Variants in HADHB observed in about 807,000 individuals in gnomAD.
HADHB encodes the protein hydroxyacyl-CoA dehydrogenase trifunctional multienzyme complex subunit beta, also known as trifunctional enzyme subunit beta, mitochondrial.
HADHB carries 50 observed loss-of-function variants against 61.9 expected under a neutral mutation model. The observed-to-expected ratio is 0.81, with a 90% CI of 0.64 to 1.02. HADHB has a LOEUF of 1.02. Ranked by LOEUF, HADHB falls within the 50% of genes least tolerant of loss-of-function variation. The pLI is 0.00. For synonymous variants in HADHB, 191 were observed against 201.6 expected (o/e 0.95, Z 0.45); for missense variants, 504 against 586.5 (o/e 0.86, Z 1.45).
intron 5 of HADHB, among the ~76,000 whole-genome samples, chr2:26,273,278 C>G (rs1295699791): frequency 1.3e-5 from 2 of 151,330 alleles, no homozygotes; most frequent in East Asian, 3.9e-4. Context: ...TTTTAATAGT[C>G]TTAAGGGAGA....
intron 1 of HADHB, among the ~76,000 whole-genome samples, chr2:26,246,538 A>G (rs1344696258): frequency 6.6e-6 from 1 of 151,856 alleles, no homozygotes; most frequent in Non-Finnish European, 1.5e-5. Flanking sequence ...ACGGGGTTTC[A>G]CCATGTTAGC....
intron 1 of HADHB, among the ~76,000 whole-genome samples, chr2:26,246,624 A>G (rs987954581): frequency 5.3e-5 from 8 of 152,066 alleles, no homozygotes; most frequent in Middle Eastern, 3.2e-3. Context: ...TACAAGTGTG[A>G]GCCACCACGC....
At chr2:26,247,061 C>T (rs1671196530) in intron 1 of HADHB, among the ~76,000 whole-genome samples, 1 of 152,186 alleles carries the variant, frequency 6.6e-6, no homozygotes, top group Non-Finnish European at 1.5e-5. Flanking sequence ...GTTCTCTTAA[C>T]CATTACGTTG....
intron 1 of HADHB, among the ~76,000 whole-genome samples, chr2:26,247,702 T>C (rs762416739): frequency 8.1e-4 from 123 of 152,198 alleles, no homozygotes; most frequent in Non-Finnish European, 1.5e-3. Flanking sequence ...CCCTAAACGA[T>C]ACAGCATAAC....
intron 4 of HADHB, among the ~76,000 whole-genome samples, chr2:26,267,682 G>C (rs1408413095): frequency 6.7e-6 from 1 of 148,664 alleles, no homozygotes; most frequent in Non-Finnish European, 1.5e-5. Context: ...TGAGGCAGGA[G>C]AATCGATTGA....
intron 3 of HADHB, 111 bp downstream of exon 3, chr2:26,254,585 T>A (rs1466159019): frequency 1.3e-6 from 1 of 744,446 alleles, no homozygotes; most frequent in African/African-American, 1.8e-5. Flanking sequence ...CTCCCCTTTT[T>A]ATGAGCACAT....
At chr2:26,269,149 TAAA>T (rs35675939) in intron 4 of HADHB, among the ~76,000 whole-genome samples, 1 of 132,070 alleles carries the variant, frequency 7.6e-6, no homozygotes, top group Non-Finnish European at 1.6e-5. Flanking sequence ...ACCTCCGTCT[TAAA>T]AAAAAAAAAA....
At chr2:26,265,635 A>T (rs961568722) in intron 4 of HADHB, among the ~76,000 whole-genome samples, 1 of 148,470 alleles carries the variant, frequency 6.7e-6, no homozygotes, top group African/African-American at 2.4e-5. Context: ...ACACCCAAAC[A>T]TACTCAACTG....
intron 3 of HADHB, among the ~76,000 whole-genome samples, chr2:26,259,333 C>T (rs1671767372): frequency 1.3e-5 from 2 of 152,326 alleles, no homozygotes; most frequent in African/African-American, 4.8e-5. Context: ...GAAGCTGGAG[C>T]TCCTTGCTTT....
At chr2:26,262,063 A>T (rs1359479243) in intron 3 of HADHB, among the ~76,000 whole-genome samples, 1 of 152,104 alleles carries the variant, frequency 6.6e-6, no homozygotes, top group East Asian at 1.9e-4. Context: ...GCACTTCTCC[A>T]TGAATGCTGC....
At chr2:26,284,040 A>T in intron 12 of HADHB, 77 bp from the exon 13 acceptor site, 1 of 802,254 alleles carries the variant, frequency 1.2e-6, no homozygotes, top group Non-Finnish European at 2.2e-6. Context: ...CCTATGTAAA[A>T]CTCAGTTTGG....
Position 26,284,948 on chromosome 2 carries a change from A to C in HADHB, c.1215A>C (p.Arg405Ser). ...GGTTTGCAGAAAACTACATGGGTAG[A>C]AAAACCAAGGTGAGTTTCTAATTTT... ...SDWFAENYMGRKTKVGLPPLE... is the reference protein window; with the variant it reads ...SDWFAENYMGSKTKVGLPPLE... Residue 405 changes from arginine (R) to serine (S), a missense_variant, in exon 14 of 16, where the codon AGA (arginine) becomes AGC (serine). Physicochemically the swap from Arg to Ser is moderately radical, Grantham distance 110. Coordinates refer to ENST00000317799, the MANE Select transcript of HADHB (RefSeq NM_000183.3). The C allele has an allele frequency of 6.4e-7, 1 of 1,563,572 alleles. No homozygotes were observed. The highest frequency in any genetic ancestry group is 8.8e-7 in the Non-Finnish European group (1 of 1,134,014).
chr2:26,290,207 C>T lies in HADHB; in HGVS notation c.*254C>T. ...ATGTGTGGGTGGTTGTTTTTGGTCTCTGTTGTCACTAAAGACTAAATGAGG... is the reference window on the plus strand; with the variant it reads ...ATGTGTGGGTGGTTGTTTTTGGTCTTTGTTGTCACTAAAGACTAAATGAGG... On this transcript the variant is annotated 3_prime_UTR_variant, in exon 16 of 16. Transcript: ENST00000317799. The T allele has an allele frequency of 1.9e-6, 1 of 536,332 alleles. No individual in the cohort carries two copies. The highest frequency in any genetic ancestry group is 2.1e-5 in the South Asian group (1 of 47,616). 33.2% of individuals were successfully genotyped at this position (536,332 alleles called of 1,614,324 possible). A position where few individuals can be genotyped will look rare whatever the true frequency, so the allele number is the denominator to read the frequency against.
chr2:26,246,988 T>G (rs1169392659), intron 1 of HADHB, among the ~76,000 whole-genome samples: 1 of 152,234 alleles, frequency 6.6e-6, no homozygotes, highest in Non-Finnish European at 1.5e-5. Context: ...CCTATGTGGT[T>G]AAGTAACTGG....
intron 15 of HADHB, among the ~76,000 whole-genome samples, chr2:26,288,189 C>T (rs761468013): frequency 4.6e-5 from 7 of 152,026 alleles, no homozygotes; most frequent in Non-Finnish European, 1.0e-4. Flanking sequence ...TGCTTGAGCC[C>T]GGGATGTTGA....
intron 4 of HADHB, 30 bp downstream of exon 4, chr2:26,263,509 T>G (rs1671946365): frequency 1.4e-5 from 19 of 1,386,110 alleles, no homozygotes; most frequent in Non-Finnish European, 2.0e-5. Flanking sequence ...ATTATTTTTT[T>G]CCTTCTTTTA....
chr2:26,249,819 T>C (rs1043307953), intron 1 of HADHB, among the ~76,000 whole-genome samples: 1 of 151,948 alleles, frequency 6.6e-6, no homozygotes, highest in Non-Finnish European at 1.5e-5. Context: ...ATGCCGTGCA[T>C]GGTTGTTTGA....
intron 15 of HADHB, among the ~76,000 whole-genome samples, chr2:26,288,273 T>C (rs548602041): frequency 6.6e-6 from 1 of 150,476 alleles, no homozygotes; most frequent in Non-Finnish European, 1.5e-5. Context: ...AAAAAGCAAA[T>C]AAAGAAATTA....
At chr2:26,254,208 C>A (rs1192896339) in intron 1 of HADHB, 39 bp from the exon 2 acceptor site, 2 of 914,006 alleles carry the variant, frequency 2.2e-6, no homozygotes, top group Admixed American at 1.7e-5. Context: ...ACAAATTGTT[C>A]AGCTAATCCA....
Sources: gnomAD v4.1 joint callset for allele counts (sites outside exome capture counted in the v4.1 genomes callset) on GRCh38, gnomAD v4.1.1 for gene constraint, MANE v1.5 for transcripts, NCBI Gene and HGNC (gene_info 2026-07-23, HGNC 2026-07-21) for gene names.